MACROD2: variants seen among roughly 807,000 people sequenced by gnomAD.
MACROD2 encodes ADP-ribose glycohydrolase MACROD2.
Under a neutral mutation model 70.4 loss-of-function variants are expected in MACROD2, and 36 were observed. That is an observed-to-expected ratio of 0.51 (90% CI 0.39 to 0.68). The LOEUF (loss-of-function observed/expected upper bound fraction) is 0.68, where lower values mean the gene tolerates loss of function less well. MACROD2 is among the 30% of genes least tolerant of loss of function. MACROD2 has a pLI of 0.00. For missense variants in MACROD2, 496 were observed against 538.4 expected, an observed-to-expected ratio of 0.92 and a Z score of 0.78; for synonymous variants, 172 against 178.8, an observed-to-expected ratio of 0.96 and a Z score of 0.30.
intron 6 of MACROD2, among the ~76,000 whole-genome samples, chr20:15,265,555 T>C (rs895838794): frequency 2.0e-5 from 3 of 152,220 alleles, no homozygotes; most frequent in African/African-American, 7.2e-5. Context: ...TTTAGCTGCT[T>C]GCAGAAATAA....
chr20:14,620,999 T>C (rs1255875896), intron 4 of MACROD2, among the ~76,000 whole-genome samples: 1 of 152,112 alleles, frequency 6.6e-6, no homozygotes, highest in Non-Finnish European at 1.5e-5. Context: ...TCACATTCTC[T>C]ATCAGTCCTG....
chr20:14,956,955 C>A (rs1015043949), intron 5 of MACROD2, among the ~76,000 whole-genome samples: 2 of 152,128 alleles, frequency 1.3e-5, no homozygotes, highest in Non-Finnish European at 2.9e-5. Flanking sequence ...ATATTTCCTG[C>A]CTGCACCATT....
chr20:14,742,977 G>C (rs549793411), intron 5 of MACROD2, among the ~76,000 whole-genome samples: 42 of 151,724 alleles, frequency 2.8e-4, no homozygotes, highest in Admixed American at 9.2e-4. Flanking sequence ...CGTTTTAGCC[G>C]GGATGGTCTC....
At chr20:14,794,074 C>G (rs899540571) in intron 5 of MACROD2, among the ~76,000 whole-genome samples, 4 of 152,044 alleles carry the variant, frequency 2.6e-5, no homozygotes, top group African/African-American at 9.7e-5. Context: ...GGCTTACTTA[C>G]TAACTAGCAC....
chr20:14,136,867 A>G (rs901440911), intron 3 of MACROD2, among the ~76,000 whole-genome samples: 3 of 152,162 alleles, frequency 2.0e-5, no homozygotes, highest in Admixed American at 1.3e-4. Flanking sequence ...TCAGGACCCA[A>G]CTCAAATTCC....
intron 4 of MACROD2, among the ~76,000 whole-genome samples, chr20:14,552,907 G>A (rs903659932): frequency 1.3e-5 from 2 of 152,082 alleles, no homozygotes; most frequent in African/African-American, 4.8e-5. Context: ...TGAATGTGAA[G>A]GACTAGGACA....
At chr20:14,259,537 G>A (rs1438593572) in intron 3 of MACROD2, among the ~76,000 whole-genome samples, 10 of 151,986 alleles carry the variant, frequency 6.6e-5, no homozygotes, top group Non-Finnish European at 1.5e-4. Flanking sequence ...AATGTAACTG[G>A]TAAAAACAAA....
intron 9 of MACROD2, among the ~76,000 whole-genome samples, chr20:15,873,117 T>C (rs1295465604): frequency 6.6e-6 from 1 of 152,210 alleles, no homozygotes; most frequent in African/African-American, 2.4e-5. Context: ...TTTCTAAAAG[T>C]GGAATCACTT....
chr20:14,774,234 C>T lies in MACROD2; in HGVS notation c.418+89275C>T, dbSNP rs6042914. Among the ~76,000 whole-genome samples, 1,195 of 151,992 alleles carry T rather than the reference C, an allele frequency of 7.9e-3. 21 individuals carry two copies. Among genetic ancestry groups the T allele is most frequent in the African/African-American group, 0.027 (1,132 of 41,430 alleles). ...GCTTTTTAGGAACATAAACTTAGAA[C>T]ATTAAAACTCTTAGGTCATACTTGT... On this transcript the variant is annotated intron_variant, in intron 5 of 17. Coordinates refer to ENST00000684519, the MANE Select transcript of MACROD2 (RefSeq NM_001351661.2).
intron 8 of MACROD2, among the ~76,000 whole-genome samples, chr20:15,523,494 A>G (rs1319258108): frequency 1.3e-5 from 2 of 152,226 alleles, no homozygotes; most frequent in Admixed American, 1.3e-4. Context: ...TTGTGCAGGG[A>G]GAGTTATTCT....
chr20:15,595,835 G>A (rs539913020), intron 8 of MACROD2, among the ~76,000 whole-genome samples: 23 of 152,044 alleles, frequency 1.5e-4, no homozygotes, highest in African/African-American at 5.5e-4. Flanking sequence ...CACTAATAGA[G>A]GCAGTGGTTG....
intron 5 of MACROD2, among the ~76,000 whole-genome samples, chr20:15,106,277 G>A (rs751265990): frequency 5.3e-5 from 8 of 152,034 alleles, no homozygotes; most frequent in East Asian, 1.9e-4. Flanking sequence ...ATTTTGTGCC[G>A]TAAGCCTAGT....
At chr20:15,048,705 G>C (rs937872806) in intron 5 of MACROD2, among the ~76,000 whole-genome samples, 9 of 152,060 alleles carry the variant, frequency 5.9e-5, no homozygotes, top group African/African-American at 1.9e-4. Context: ...GCTTAAAAAT[G>C]GTTCTTCATT....
chr20:14,952,226 C>T (rs1321630880), intron 5 of MACROD2, among the ~76,000 whole-genome samples: 2 of 152,122 alleles, frequency 1.3e-5, no homozygotes, highest in African/African-American at 2.4e-5. Context: ...CTGGTTCCCA[C>T]CCCTTGCTGA....
rs138919203 is a variant in MACROD2, at chr20:15,172,504, A to T, written c.419-57436A>T. 2.2e-3 allele frequency among the ~76,000 whole-genome samples: 331 copies of T among 152,256 alleles called. 1 individual carries two copies. The highest frequency in any genetic ancestry group is 7.6e-3 in the African/African-American group (317 of 41,546). On this transcript the variant is annotated intron_variant, in intron 5 of 17. Coordinates refer to ENST00000684519, the MANE Select transcript of MACROD2 (RefSeq NM_001351661.2). ...TGGGCTCGAGCTATCCTCCTGCCTC[A>T]GCCTCCTGAGTGGCTGGGACTATTG... is the stretch of plus-strand genomic sequence containing the variant.
intron 3 of MACROD2, among the ~76,000 whole-genome samples, chr20:14,275,335 C>G (rs1302130937): frequency 6.6e-6 from 1 of 152,034 alleles, no homozygotes; most frequent in East Asian, 1.9e-4. Context: ...CGCATATCTG[C>G]AAGTATCTGA....
chr20:14,373,234 C>A (rs1157244883), intron 3 of MACROD2, among the ~76,000 whole-genome samples: 10 of 152,028 alleles, frequency 6.6e-5, no homozygotes. Flanking sequence ...ATATTTAGTG[C>A]CCTTGCTTTT....
chr20:15,391,709 A>T (rs2146294383), intron 6 of MACROD2, among the ~76,000 whole-genome samples: 1 of 152,304 alleles, frequency 6.6e-6, no homozygotes, highest in South Asian at 2.1e-4. Flanking sequence ...TTTCACCTGT[A>T]CAAGTTCTTC....
chr20:15,714,932 TACTC>T (rs1183656912), intron 8 of MACROD2, among the ~76,000 whole-genome samples: 1 of 152,160 alleles, frequency 6.6e-6, no homozygotes, highest in African/African-American at 2.4e-5. Context: ...TTCAATTAAA[TACTC>T]ACGAATTTTA....
Sources: allele counts gnomAD v4.1 joint callset (sites outside exome capture counted in the v4.1 genomes callset), GRCh38; gene constraint gnomAD v4.1.1; transcripts MANE v1.5; gene names NCBI Gene and HGNC (gene_info 2026-07-23, HGNC 2026-07-21).